ANO9: variants seen among roughly 807,000 people sequenced by gnomAD.
The protein encoded by ANO9 is anoctamin 9.
ANO9 carries 80 observed loss-of-function variants against 100.5 expected under a neutral mutation model. The observed-to-expected ratio is 0.80, with a 90% CI of 0.66 to 0.96. The LOEUF is 0.96. Ranked by LOEUF, ANO9 falls within the 40% of genes least tolerant of loss-of-function variation. The pLI is 0.00. For synonymous variants in ANO9, 473 were observed against 435.6 expected, an observed-to-expected ratio of 1.09 and a Z score of -1.07; for missense variants, 1,064 against 1,072.7, an observed-to-expected ratio of 0.99 and a Z score of 0.11.
chr11:425,270 CGTGG>C (rs371912073), intron 15 of ANO9, among the ~76,000 whole-genome samples: 1,788 of 8,752 alleles, frequency 0.2, 344 homozygotes, highest in East Asian at 0.98. Context: ...CAAAAGGCGG[CGTGG>C]AGAGACGGGA....
chr11:439,281 C>T (rs1426600919), intron 1 of ANO9, among the ~76,000 whole-genome samples: 1 of 152,240 alleles, frequency 6.6e-6, no homozygotes, highest in East Asian at 1.9e-4. Context: ...AGTGGGCAAG[C>T]CCCTGGTTCC....
Position 420,816 on chromosome 11 carries a change from C to A in ANO9, c.1535G>T (p.Gly512Val), listed in dbSNP as rs1324100598. 1 of 1,593,036 alleles carries A rather than the reference C, an allele frequency of 6.3e-7. No individual in the cohort carries two copies. The highest frequency in any genetic ancestry group is 8.5e-7 in the Non-Finnish European group (1 of 1,173,412). ...GAGCTCGGGGTCCCGGGGCAGGTGC[C>A]CGGACTCGGAGGCCCGCAGAGAGCG... ...KCRSLRASES[G>V]HLPRDPELRD... Residue 512 changes from glycine (G) to valine (V), a missense_variant, in exon 18 of 23, where the codon GGG becomes GTG. Transcript: ENST00000332826.
chr11:420,385 G>A (rs1424094085), intron 19 of ANO9, 78 bp downstream of exon 19: 12 of 1,551,932 alleles, frequency 7.7e-6, no homozygotes, highest in Non-Finnish European at 9.5e-6. Flanking sequence ...TTTTCCAGGT[G>A]AGCCGGCCTG....
In ANO9 at chr11:433,880, C is replaced by T; in HGVS notation, c.139G>A (p.Asp47Asn). Reference sequence around the variant, plus strand: ...TGTTGCTGCCGCGCCTGCCGGGGGTCTCTCTGGGTGTGACGTTGGGCCACG... The same window carrying T: ...TGTTGCTGCCGCGCCTGCCGGGGGTTTCTCTGGGTGTGACGTTGGGCCACG... ...VLVAQRHTQR[D>N]PRQARQQQFL... The change falls in exon 3 of 23, where the codon GAC (aspartate) becomes AAC (asparagine). Residue 47 changes from aspartate (D) to asparagine (N), a missense_variant. Transcript: ENST00000332826. 1 of 1,563,912 alleles carries T rather than the reference C, an allele frequency of 6.4e-7. No homozygotes were observed. Among genetic ancestry groups the T allele is most frequent in the Non-Finnish European group, 8.7e-7 (1 of 1,154,252 alleles).
At position 420,698 on chromosome 11, in the gene ANO9, G is replaced by T; in HGVS notation, c.1633+20C>A. ...CCCGCATTCGTCTCCGCGAACCCCC[G>T]CCCCGCAGCGCCCACGCACTCATCT... On this transcript the variant is annotated intron_variant, in intron 18 of 22. Coordinates refer to ENST00000332826, the MANE Select transcript of ANO9 (RefSeq NM_001012302.3). 1 of 1,602,898 alleles carries T rather than the reference G, an allele frequency of 6.2e-7. No homozygotes were observed. The highest frequency in any genetic ancestry group is 8.5e-7 in the Non-Finnish European group (1 of 1,174,860).
At chr11:439,503 C>G (rs73385803) in intron 1 of ANO9, among the ~76,000 whole-genome samples, 2 of 151,724 alleles carry the variant, frequency 1.3e-5, no homozygotes, top group African/African-American at 2.4e-5. Context: ...CACATCCCCC[C>G]AGCTGTGCAT....
chr11:418,871 G>T lies in ANO9; in HGVS notation c.2036+17C>A. 6.2e-7 allele frequency: 1 copy of T among 1,613,644 alleles called. No homozygotes were observed. Among genetic ancestry groups the T allele is most frequent in the South Asian group, 1.1e-5 (1 of 91,086 alleles). On this transcript the variant is annotated intron_variant, in intron 21 of 22. Transcript: ENST00000332826. ...AGGAGTTCAGAGGGCATTCTTGGGG[G>T]ATGGGGAGTTCCAAACCTGCACAGA...
chr11:438,439 A>C (rs550862268), intron 1 of ANO9, among the ~76,000 whole-genome samples: 1 of 115,336 alleles, frequency 8.7e-6, no homozygotes, highest in Admixed American at 1.1e-4. Flanking sequence ...ACACACAGCC[A>C]GACAGGTGTA....
Position 433,879 on chromosome 11 carries a change from T to C in ANO9, c.140A>G (p.Asp47Gly), listed in dbSNP as rs1183244631. 7.0e-6 allele frequency: 11 copies of C among 1,563,414 alleles called. No homozygotes were observed. In the Admixed American group the frequency reaches 9.7e-5, roughly 14 times the overall value. Reference protein sequence around the residue: ...VLVAQRHTQRDPRQARQQQFL... With the variant: ...VLVAQRHTQRGPRQARQQQFL... ...CTGTTGCTGCCGCGCCTGCCGGGGG[T>C]CTCTCTGGGTGTGACGTTGGGCCAC... The change falls in exon 3 of 23, where the codon GAC becomes GGC. Residue 47 changes from aspartate to glycine, a missense_variant. Asp to Gly is a moderately conservative substitution (Grantham distance 94). Transcript: ENST00000332826.
At position 418,724 on chromosome 11, in the gene ANO9, A is replaced by T. The variant is rs1837622359; in HGVS notation, c.2126T>A (p.Phe709Tyr). The change falls in exon 22 of 23, where the codon TTT (phenylalanine) becomes TAT (tyrosine). Residue 709 changes from phenylalanine to tyrosine, a missense_variant. Transcript: ENST00000332826. ...CCTCTCCCGGTTCTGGCTCACCTCA[A>T]AGAGGATGACGAAGGCCAGGCGGAT... Reference protein sequence around the residue: ...LAIRLAFVILFEHVALCIKLI... With the variant: ...LAIRLAFVILYEHVALCIKLI... 1 of 1,612,810 alleles carries T rather than the reference A, an allele frequency of 6.2e-7. No individual in the cohort carries two copies. The highest frequency in any genetic ancestry group is 1.3e-5 in the African/African-American group (1 of 74,900).
rs1590453890 is a variant in ANO9, at chr11:428,547, C to T, written c.1113G>A (p.Glu371=). 1 of 1,612,698 alleles carries T rather than the reference C, an allele frequency of 6.2e-7. No individual in the cohort carries two copies. The change falls in exon 13 of 23, where the codon GAG becomes GAA. Residue 371 remains glutamate (E), a synonymous_variant. Coordinates refer to ENST00000332826, the MANE Select transcript of ANO9 (RefSeq NM_001012302.3). ...LFSSSAVPFL[E]EQVTTAVVVT... is the part of the protein sequence containing the mutation. ...CCACCACGGCCGTGGTCACCTGCTC[C>T]TCCAGGAAGGGCACGGCCGAGCTGC...
chr11:418,446 CCCCACCCCA>C lies in ANO9; in HGVS notation c.2265_2273del (p.Gly756_Gly758del), dbSNP rs771797927. ...CAGGCATTGGGGGCCGAGAGCCTGCCCCCACCCCACCCAGCCTCTGCCTTCCATGCCACA... is the reference window on the plus strand; with the variant it reads ...CAGGCATTGGGGGCCGAGAGCCTGCCCCCAGCCTCTGCCTTCCATGCCACA... On this transcript the variant is annotated inframe_deletion, in exon 23 of 23. Coordinates refer to ENST00000332826, the MANE Select transcript of ANO9 (RefSeq NM_001012302.3). The C allele has an allele frequency of 1.6e-5, 25 of 1,612,650 alleles. No individual in the cohort carries two copies. Among genetic ancestry groups the C allele is most frequent in the Non-Finnish European group, 2.0e-5 (24 of 1,179,934 alleles).
chr11:418,965 G>A lies in ANO9; in HGVS notation c.1959C>T (p.His653=), dbSNP rs1848007780. ...CCTTGGTGTGGAAGACGGACAGGCT[G>A]TGGTTGACGTAGCCCTTGAGGCAGC... is the stretch of plus-strand genomic sequence containing the variant. The part of the protein sequence containing the change: ...TVDCLKGYVN[H]SLSVFHTKDF... The change falls in exon 21 of 23, where the codon CAC becomes CAT. Residue 653 remains histidine, a synonymous_variant. Transcript: ENST00000332826. 6.2e-7 allele frequency: 1 copy of A among 1,613,484 alleles called. No homozygotes were observed. Among genetic ancestry groups the A allele is most frequent in the Non-Finnish European group, 8.5e-7 (1 of 1,179,932 alleles).
chr11:429,841 G>A (rs773353523), intron 9 of ANO9, 23 bp from the exon 10 acceptor site: 37 of 1,578,578 alleles, frequency 2.3e-5, no homozygotes, highest in East Asian at 6.9e-5. Flanking sequence ...TAGGTGGGCC[G>A]GAGAGGAGGT....
chr11:420,910 G>C (rs1367328537), intron 17 of ANO9, 35 bp downstream of exon 17: 2 of 1,596,652 alleles, frequency 1.3e-6, no homozygotes, highest in Non-Finnish European at 1.7e-6. Context: ...GGAGGGGCCT[G>C]GGGCTCCCGG....
At position 418,518 on chromosome 11, in the gene ANO9, C is replaced by A. The variant is rs1319725387; in HGVS notation, c.2202G>T (p.Lys734Asn). 1.9e-5 allele frequency: 31 copies of A among 1,613,082 alleles called. 1 individual carries two copies. The Admixed American group carries it at 5.2e-4, about 27-fold the overall frequency. The change falls in exon 23 of 23, where the codon AAG becomes AAT. Residue 734 changes from lysine to asparagine, a missense_variant. Lys to Asn is a moderately conservative substitution (Grantham distance 94). Transcript: ENST00000332826. ...GCCTCTGGTACTTCACCTCCAGAAC[C>A]TTGTTCTTCACCGACTGAGGGATGT... is the stretch of plus-strand genomic sequence containing the variant. ...VPDIPQSVKN[K>N]VLEVKYQRLR...
chr11:418,063 G>A lies in ANO9; in HGVS notation c.*308C>T, dbSNP rs570550547. 1.5e-4 allele frequency: 55 copies of A among 368,096 alleles called. 1 individual carries two copies. The highest frequency in any genetic ancestry group is 9.6e-4 in the African/African-American group (46 of 48,148). The allele number at this position is 368,096 out of a possible 1,614,324, so 22.8% of individuals were successfully genotyped here. On this transcript the variant is annotated 3_prime_UTR_variant, in exon 23 of 23. Transcript: ENST00000332826. The stretch of plus-strand genomic sequence containing the variant: ...ATCTGGCGCCCAGAAGTCAGAGGGA[G>A]GCCCAGGAAATTTGCGCCAGTTTTC...
chr11:419,001 G>C lies in ANO9; in HGVS notation c.1935-12C>G. 1.2e-6 allele frequency: 2 copies of C among 1,612,996 alleles called. No homozygotes were observed. Among genetic ancestry groups the C allele is most frequent in the Non-Finnish European group, 1.7e-6 (2 of 1,179,916 alleles). On this transcript the variant is annotated splice_polypyrimidine_tract_variant and intron_variant, in intron 20 of 22. Coordinates refer to ENST00000332826, the MANE Select transcript of ANO9 (RefSeq NM_001012302.3). ...AGCCCTTGAGGCAGCTGGGGAGAGG[G>C]GAGAGGAGTGTGGGGTGGGGTGGGC...
At position 428,600 on chromosome 11, in the gene ANO9, A is replaced by C. The variant is rs1321939380; in HGVS notation, c.1060T>G (p.Tyr354Asp). The part of the protein sequence containing the change: ...MIGMAHVLVV[Y>D]RVLASALFSS... ...AAGAGCGCGGAGGCCAGGACGCGGTAGACCACCAGGACGTGGGCCATGCCG... is the reference window on the plus strand; with the variant it reads ...AAGAGCGCGGAGGCCAGGACGCGGTCGACCACCAGGACGTGGGCCATGCCG... Residue 354 changes from tyrosine (Y) to aspartate (D), a missense_variant, in exon 13 of 23, where the codon TAC (tyrosine) becomes GAC (aspartate). Coordinates refer to ENST00000332826, the MANE Select transcript of ANO9 (RefSeq NM_001012302.3). The C allele has an allele frequency of 6.2e-7, 1 of 1,612,334 alleles. No homozygotes were observed. The highest frequency in any genetic ancestry group is 8.5e-7 in the Non-Finnish European group (1 of 1,179,804).
Sources: allele counts gnomAD v4.1 joint callset (sites outside exome capture counted in the v4.1 genomes callset), GRCh38; gene constraint gnomAD v4.1.1; transcripts MANE v1.5; gene names NCBI Gene and HGNC (gene_info 2026-07-23, HGNC 2026-07-21).